The following CNTN4 variants were observed in gnomAD, a reference collection of about 807,000 sequenced individuals.
CNTN4 encodes the protein contactin 4.
CNTN4 carries 77 observed loss-of-function variants against 122.5 expected under a neutral mutation model. That is an observed-to-expected ratio of 0.63 (90% CI 0.52 to 0.76). The LOEUF is 0.76. Among genes scored for constraint, CNTN4 ranks in the 30% least tolerant of loss-of-function variants. CNTN4 has a pLI of 0.00. For synonymous variants in CNTN4, 512 were observed against 447.0 expected (o/e 1.15, Z -1.83); for missense variants, 1,256 against 1,259.1 (o/e 1.00, Z 0.04).
chr3:2,860,036 C>T lies in CNTN4; in HGVS notation c.455-6716C>T, dbSNP rs1052266326. 1.2e-4 allele frequency among the ~76,000 whole-genome samples: 18 copies of T among 152,258 alleles called. No homozygotes were observed. In the South Asian group the frequency reaches 2.3e-3, roughly 19 times the overall value. On this transcript the variant is annotated intron_variant, in intron 7 of 24. Coordinates refer to ENST00000418658, the MANE Select transcript of CNTN4 (RefSeq NM_175607.3). ...CCATACCTCCACTGCCACATCTGAG[C>T]GAGTAAATAGCATGTACTAAAAATA...
At chr3:2,708,369 A>T (rs2086868920) in intron 4 of CNTN4, among the ~76,000 whole-genome samples, 1 of 152,222 alleles carries the variant, frequency 6.6e-6, no homozygotes, top group Non-Finnish European at 1.5e-5. Context: ...AAGGTAACCC[A>T]TATGGACCAC....
intron 3 of CNTN4, among the ~76,000 whole-genome samples, chr3:2,528,486 T>A (rs1354703474): frequency 6.6e-6 from 1 of 152,142 alleles, no homozygotes; most frequent in African/African-American, 2.4e-5. Flanking sequence ...AGCACTGATA[T>A]TAGGAAAACC....
At chr3:2,621,671 A>G (rs2081996030) in intron 4 of CNTN4, among the ~76,000 whole-genome samples, 1 of 152,144 alleles carries the variant, frequency 6.6e-6, no homozygotes, top group South Asian at 2.1e-4. Flanking sequence ...TAAAACACCA[A>G]AATATTAAGT....
At chr3:2,539,450 T>C (rs2077945320) in intron 3 of CNTN4, among the ~76,000 whole-genome samples, 1 of 152,118 alleles carries the variant, frequency 6.6e-6, no homozygotes, top group South Asian at 2.1e-4. Flanking sequence ...AGATTTTTCT[T>C]AGTTTACCAA....
At chr3:2,574,311 T>C (rs2079562554) in intron 4 of CNTN4, among the ~76,000 whole-genome samples, 1 of 152,146 alleles carries the variant, frequency 6.6e-6, no homozygotes, top group Admixed American at 6.5e-5. Flanking sequence ...CAGGCTGAGG[T>C]TTCTTGGTGA....
chr3:2,804,846 C>T (rs1383602103), intron 6 of CNTN4, among the ~76,000 whole-genome samples: 2 of 151,942 alleles, frequency 1.3e-5, no homozygotes, highest in Admixed American at 1.3e-4. Flanking sequence ...TATAGGCACA[C>T]AACACCATGC....
chr3:2,777,979 C>A (rs2091397589), intron 6 of CNTN4, among the ~76,000 whole-genome samples: 1 of 151,942 alleles, frequency 6.6e-6, no homozygotes, highest in African/African-American at 2.4e-5. Flanking sequence ...CTTTGGGAGG[C>A]CGAGGTGGGC....
At chr3:2,920,192 C>CCACA (rs970510570) in intron 12 of CNTN4, among the ~76,000 whole-genome samples, 1 of 150,988 alleles carries the variant, frequency 6.6e-6, no homozygotes, top group Admixed American at 6.6e-5. Context: ...TGATTACACA[C>CCACA]CACACACACA....
intron 3 of CNTN4, among the ~76,000 whole-genome samples, chr3:2,524,163 C>G (rs2077318271): frequency 6.6e-6 from 1 of 151,890 alleles, no homozygotes; most frequent in Non-Finnish European, 1.5e-5. Context: ...TCTCCTCAAT[C>G]CCTCCCTAGA....
At chr3:3,054,883 G>A (rs1443215111) in intron 24 of CNTN4, among the ~76,000 whole-genome samples, 1 of 152,206 alleles carries the variant, frequency 6.6e-6, no homozygotes, top group Non-Finnish European at 1.5e-5. Context: ...ACTGTGGTTA[G>A]ATATCTAAGT....
intron 6 of CNTN4, among the ~76,000 whole-genome samples, chr3:2,785,148 G>C (rs3051915): frequency 7.7e-6 from 1 of 129,802 alleles, no homozygotes; most frequent in Admixed American, 7.4e-5. Flanking sequence ...CATATATATA[G>C]AGAGAGAGAG....
At chr3:2,791,458 A>T (rs1559507581) in intron 6 of CNTN4, among the ~76,000 whole-genome samples, 1 of 151,816 alleles carries the variant, frequency 6.6e-6, no homozygotes, top group South Asian at 2.1e-4. Flanking sequence ...ACCTGAGCCC[A>T]GGAGGTTGAG....
At chr3:2,517,160 G>A (rs557487784) in intron 3 of CNTN4, among the ~76,000 whole-genome samples, 1 of 152,216 alleles carries the variant, frequency 6.6e-6, no homozygotes, top group South Asian at 2.1e-4. Flanking sequence ...AAGGAGTGCT[G>A]TTGGATTTGA....
At chr3:2,623,683 T>C (rs2619582) in intron 4 of CNTN4, among the ~76,000 whole-genome samples, 106,469 of 152,038 alleles carry the variant, frequency 0.7, 38,946 homozygotes, top group African/African-American at 0.9. Context: ...GAAACCACTG[T>C]AGTAACACGG....
intron 2 of CNTN4, among the ~76,000 whole-genome samples, chr3:2,135,011 A>G (rs2034622327): frequency 6.6e-6 from 1 of 152,172 alleles, no homozygotes; most frequent in South Asian, 2.1e-4. Context: ...TATAAAATTG[A>G]CCATCACAGC....
chr3:2,546,191 C>G (rs2078237876), intron 3 of CNTN4, among the ~76,000 whole-genome samples: 1 of 151,978 alleles, frequency 6.6e-6, no homozygotes, highest in Non-Finnish European at 1.5e-5. Context: ...GAATATAAAT[C>G]ATTCTGCCCT....
At chr3:2,208,303 T>C (rs189636999) in intron 2 of CNTN4, among the ~76,000 whole-genome samples, 23 of 152,242 alleles carry the variant, frequency 1.5e-4, no homozygotes, top group South Asian at 2.1e-4. Context: ...CGTGGATGAC[T>C]TACAGAGGTT....
Position 2,815,873 on chromosome 3 carries a change from C to CATATATATAT in CNTN4, c.359-3604_359-3595dup, listed in dbSNP as rs58111735. Among the ~76,000 whole-genome samples the CATATATATAT allele has an allele frequency of 1.4e-4, 20 of 141,282 alleles. 1 individual carries two copies. The highest frequency in any genetic ancestry group is 5.9e-4 in the East Asian group (3 of 5,076). The allele number at this position is 141,282 out of a possible 152,430, so 92.7% of individuals were successfully genotyped here. A position where few individuals can be genotyped will look rare whatever the true frequency, so the allele number is the denominator to read the frequency against. The stretch of plus-strand genomic sequence containing the variant: ...CAATAAGTGGCTAAAGAAACTATGG[C>CATATATATAT]ATATATATATATATATATGATGGAA... On this transcript the variant is annotated intron_variant, in intron 6 of 24. Transcript: ENST00000418658.
At chr3:2,895,820 G>A (rs547536875) in intron 10 of CNTN4, among the ~76,000 whole-genome samples, 8 of 152,324 alleles carry the variant, frequency 5.3e-5, no homozygotes, top group East Asian at 1.9e-4. Context: ...GGATCACAAG[G>A]TCAGGAGATC....
Sources: gnomAD v4.1 joint callset for allele counts (sites outside exome capture counted in the v4.1 genomes callset) on GRCh38, gnomAD v4.1.1 for gene constraint, MANE v1.5 for transcripts, NCBI Gene and HGNC (gene_info 2026-07-23, HGNC 2026-07-21) for gene names.